DNER: variants seen among roughly 807,000 people sequenced by gnomAD.
The protein encoded by DNER is delta/notch like EGF repeat containing, also known as delta and Notch-like epidermal growth factor-related receptor.
In DNER, 33 loss-of-function variants were observed where a neutral mutation model predicts 78.2. The observed-to-expected ratio is 0.42, with a 90% confidence interval of 0.32 to 0.56. DNER has a LOEUF of 0.56. Among genes scored for constraint, DNER ranks in the 20% least tolerant of loss-of-function variants. The pLI is 0.11. For missense variants in DNER, 918 were observed against 975.3 expected (o/e 0.94, Z 0.78); for synonymous variants, 417 against 384.8 (o/e 1.08, Z -0.98).
intron 1 of DNER, among the ~76,000 whole-genome samples, chr2:229,682,205 C>G (rs538658653): frequency 6.6e-6 from 1 of 152,256 alleles, no homozygotes; most frequent in African/African-American, 2.4e-5. Context: ...AAATTTAGCC[C>G]ACAATCTCTC....
chr2:229,545,779 T>C (rs971597362), intron 5 of DNER, among the ~76,000 whole-genome samples: 6 of 152,160 alleles, frequency 3.9e-5, no homozygotes, highest in Non-Finnish European at 7.4e-5. Flanking sequence ...GTTCCCATAG[T>C]GTTTCTGATG....
chr2:229,596,660 C>A (rs949319804), intron 1 of DNER, among the ~76,000 whole-genome samples: 4 of 152,122 alleles, frequency 2.6e-5, no homozygotes, highest in Non-Finnish European at 5.9e-5. Context: ...GGAGTCAGTC[C>A]CACCAGGTAA....
chr2:229,668,352 G>T (rs542972458), intron 1 of DNER, among the ~76,000 whole-genome samples: 1 of 149,778 alleles, frequency 6.7e-6, no homozygotes, highest in Non-Finnish European at 1.5e-5. Flanking sequence ...ATCACTTCGC[G>T]TCCCAGAAAT....
chr2:229,484,113 T>C (rs1369318472), intron 6 of DNER, among the ~76,000 whole-genome samples: 8 of 152,220 alleles, frequency 5.3e-5, no homozygotes, highest in Non-Finnish European at 1.5e-5. Flanking sequence ...AATTATTTGT[T>C]GAAGGAGCGA....
At chr2:229,543,602 C>A (rs1696558499) in intron 5 of DNER, among the ~76,000 whole-genome samples, 1 of 152,168 alleles carries the variant, frequency 6.6e-6, no homozygotes, top group Non-Finnish European at 1.5e-5. Flanking sequence ...AAATTATTCA[C>A]TGGGAAGCCT....
intron 10 of DNER, among the ~76,000 whole-genome samples, chr2:229,390,866 T>A (rs1178736040): frequency 6.6e-6 from 1 of 152,248 alleles, no homozygotes; most frequent in Non-Finnish European, 1.5e-5. Flanking sequence ...CTTTTATAGA[T>A]GGACACTCCT....
intron 5 of DNER, among the ~76,000 whole-genome samples, chr2:229,530,883 C>T (rs1233027876): frequency 1.3e-5 from 2 of 152,072 alleles, no homozygotes; most frequent in African/African-American, 4.8e-5. Context: ...GGGTGTAGGC[C>T]AAGTTTCTTG....
chr2:229,426,755 T>C (rs1214189113), intron 8 of DNER, among the ~76,000 whole-genome samples: 2 of 152,168 alleles, frequency 1.3e-5, no homozygotes, highest in Non-Finnish European at 2.9e-5. Flanking sequence ...GGGCTCACAT[T>C]AATCCTATTA....
At position 229,546,969 on chromosome 2, in the gene DNER, T is replaced by C. The variant is rs1456970000; in HGVS notation, c.971A>G (p.Lys324Arg). 1.2e-6 allele frequency: 2 copies of C among 1,614,144 alleles called. No homozygotes were observed. The highest frequency in any genetic ancestry group is 2.2e-5 in the East Asian group (1 of 44,878). Residue 324 changes from lysine (K) to arginine (R), a missense_variant, in exon 5 of 13, where the codon AAA becomes AGA. Transcript: ENST00000341772. Reference sequence around the variant, plus strand: ...TACCTCTGACGGCTTCGTGGTGCATTTTCCTTTTCCTGAACACTCCAAGTC... The same window carrying C: ...TACCTCTGACGGCTTCGTGGTGCATCTTCCTTTTCCTGAACACTCCAAGTC... Reference protein sequence around the residue: ...ANDLECSGKGKCTTKPSEATF... With the variant: ...ANDLECSGKGRCTTKPSEATF...
At chr2:229,681,681 C>T (rs1459179278) in intron 1 of DNER, among the ~76,000 whole-genome samples, 1 of 152,182 alleles carries the variant, frequency 6.6e-6, no homozygotes, top group Non-Finnish European at 1.5e-5. Flanking sequence ...CTCAAGGGGG[C>T]ACTCGAGGAG....
intron 1 of DNER, among the ~76,000 whole-genome samples, chr2:229,671,759 C>T (rs1699213066): frequency 6.6e-6 from 1 of 152,314 alleles, no homozygotes; most frequent in East Asian, 1.9e-4. Flanking sequence ...CGGGTTTGAT[C>T]TGGGCAGATA....
At chr2:229,503,125 C>A (rs991772219) in intron 6 of DNER, among the ~76,000 whole-genome samples, 3 of 152,152 alleles carry the variant, frequency 2.0e-5, no homozygotes, top group Non-Finnish European at 4.4e-5. Context: ...ATTTCTAAAC[C>A]GAAAACTGTA....
At chr2:229,461,780 A>G (rs1171092128) in intron 7 of DNER, among the ~76,000 whole-genome samples, 2 of 152,070 alleles carry the variant, frequency 1.3e-5, no homozygotes, top group Non-Finnish European at 2.9e-5. Context: ...GCAAGCAGAA[A>G]GATGAACATA....
At chr2:229,694,327 C>A (rs111762176) in intron 1 of DNER, among the ~76,000 whole-genome samples, 1,796 of 152,308 alleles carry the variant, frequency 0.012, 19 homozygotes, top group Non-Finnish European at 0.016. Context: ...GGGTCAGAGA[C>A]CCTGCACAGA....
chr2:229,560,300 A>G (rs1696931726), intron 4 of DNER, among the ~76,000 whole-genome samples: 1 of 152,218 alleles, frequency 6.6e-6, no homozygotes, highest in Non-Finnish European at 1.5e-5. Flanking sequence ...TCTGACCATA[A>G]ATATTTGAGC....
intron 7 of DNER, among the ~76,000 whole-genome samples, chr2:229,464,590 C>G (rs1694764557): frequency 6.6e-6 from 1 of 152,174 alleles, no homozygotes; most frequent in African/African-American, 2.4e-5. Flanking sequence ...CCCTCTGGGT[C>G]TTCATTTATC....
chr2:229,492,230 C>T (rs1695415806), intron 6 of DNER, among the ~76,000 whole-genome samples: 1 of 152,020 alleles, frequency 6.6e-6, no homozygotes. Flanking sequence ...ATGAGGAAAC[C>T]AGAAGGAGTT....
At chr2:229,495,287 G>A (rs1695478448) in intron 6 of DNER, among the ~76,000 whole-genome samples, 1 of 152,230 alleles carries the variant, frequency 6.6e-6, no homozygotes, top group African/African-American at 2.4e-5. Flanking sequence ...CTTTATAACA[G>A]AACCAATAGG....
intron 5 of DNER, among the ~76,000 whole-genome samples, chr2:229,538,058 T>G (rs1696444418): frequency 1.3e-5 from 2 of 152,206 alleles, no homozygotes; most frequent in Non-Finnish European, 1.5e-5. Flanking sequence ...TATTCTTTAC[T>G]CGTTAAAAAA....
Sources: gnomAD v4.1 joint callset for allele counts (sites outside exome capture counted in the v4.1 genomes callset) on GRCh38, gnomAD v4.1.1 for gene constraint, MANE v1.5 for transcripts, NCBI Gene and HGNC (gene_info 2026-07-23, HGNC 2026-07-21) for gene names.